Variants in DNAJA3 observed in about 807,000 individuals in gnomAD.
DNAJA3 encodes the protein dnaJ homolog subfamily A member 3, mitochondrial.
In DNAJA3, 29 loss-of-function variants were observed where a neutral mutation model predicts 54.9. The observed-to-expected ratio is 0.53, with a 90% CI of 0.39 to 0.72. The LOEUF (loss-of-function observed/expected upper bound fraction) is 0.72, where lower values mean the gene tolerates loss of function less well. Ranked by LOEUF, DNAJA3 falls within the 30% of genes least tolerant of loss-of-function variation. The probability of loss-of-function intolerance (pLI) is 0.00; values close to 1 mark genes in which losing one functional copy is unlikely to be tolerated. For missense variants in DNAJA3, 708 were observed against 639.4 expected, an observed-to-expected ratio of 1.11 and a Z score of -1.16; for synonymous variants, 302 against 251.4, an observed-to-expected ratio of 1.20 and a Z score of -1.90.
intron 10 of DNAJA3, among the ~76,000 whole-genome samples, chr16:4,454,295 T>C (rs2057010544): frequency 1.3e-5 from 2 of 152,208 alleles, no homozygotes; most frequent in South Asian, 2.1e-4. Context: ...TACCTTCTTA[T>C]AGCCAACAGC....
At chr16:4,446,456 C>G (rs928428476) in intron 7 of DNAJA3, among the ~76,000 whole-genome samples, 2 of 151,628 alleles carry the variant, frequency 1.3e-5, no homozygotes, top group Non-Finnish European at 2.9e-5. Flanking sequence ...GTTGGTCAGT[C>G]TGGTCTCAAA....
chr16:4,426,477 C>A (rs2056624837), intron 1 of DNAJA3, among the ~76,000 whole-genome samples: 1 of 152,216 alleles, frequency 6.6e-6, no homozygotes, highest in Non-Finnish European at 1.5e-5. Context: ...AACAACCCTG[C>A]AAGATGCCTG....
rs554138903 is a variant in DNAJA3 at position 4,455,708 on chromosome 16, C to T, written c.*176C>T. 3.2e-5 allele frequency: 31 copies of T among 972,672 alleles called. No homozygotes were observed. The highest frequency in any genetic ancestry group is 2.6e-4 in the Middle Eastern group (1 of 3,908). 60.3% of individuals were successfully genotyped at this position (972,672 alleles called of 1,614,324 possible). ...AATCATGGGACAACACCTCTCTCCA[C>T]GGAAAGGTCACAGTGGACAGCCCGG... On this transcript the variant is annotated 3_prime_UTR_variant, in exon 12 of 12. Transcript: ENST00000262375.
At chr16:4,432,999 G>A (rs1443974689) in intron 1 of DNAJA3, among the ~76,000 whole-genome samples, 4 of 151,860 alleles carry the variant, frequency 2.6e-5, no homozygotes, top group African/African-American at 4.8e-5. Context: ...AAAATTAGCC[G>A]AGTGTGGTGG....
At chr16:4,452,104 ACT>A (rs1232929341) in intron 10 of DNAJA3, among the ~76,000 whole-genome samples, 1 of 151,250 alleles carries the variant, frequency 6.6e-6, no homozygotes, top group Non-Finnish European at 1.5e-5. Flanking sequence ...CTGCCACAAA[ACT>A]CTGTAGCCCA....
At position 4,443,143 on chromosome 16, in the gene DNAJA3, G is replaced by A. The variant is rs1470834647; in HGVS notation, c.910G>A (p.Val304Met). The change falls in exon 6 of 12, where the codon GTG becomes ATG. Residue 304 changes from valine to methionine, a missense_variant. Coordinates refer to ENST00000262375, the MANE Select transcript of DNAJA3 (RefSeq NM_005147.6). Reference protein sequence around the residue: ...GAGQAKQKKRVMIPVPAGVED... With the variant: ...GAGQAKQKKRMMIPVPAGVED... ...AGGACAAGCCAAGCAGAAAAAGCGA[G>A]TGATGATCCCTGTGCCTGCAGGTGG... is the stretch of plus-strand genomic sequence containing the variant. 6 of 1,614,070 alleles carry A rather than the reference G, an allele frequency of 3.7e-6. No homozygotes were observed. Among genetic ancestry groups the A allele is most frequent in the Admixed American group, 1.7e-5 (1 of 59,990 alleles).
intron 2 of DNAJA3, among the ~76,000 whole-genome samples, chr16:4,435,659 A>G (rs1257440059): frequency 6.6e-6 from 1 of 152,192 alleles, no homozygotes; most frequent in Non-Finnish European, 1.5e-5. Flanking sequence ...AGTTTGTGTC[A>G]ATACTTCATC....
intron 1 of DNAJA3, 131 bp downstream of exon 1, chr16:4,426,223 G>A: frequency 2.8e-6 from 3 of 1,054,258 alleles, no homozygotes; most frequent in Middle Eastern, 2.4e-4. Context: ...AATTGCCGGA[G>A]ACACAGACAG....
In DNAJA3 at chr16:4,456,619, C is replaced by T. The variant is rs1472023779; in HGVS notation, c.*1087C>T. 6.6e-6 allele frequency: 1 copy of T among 152,652 alleles called. No individual in the cohort carries two copies. Among genetic ancestry groups the T allele is most frequent in the African/African-American group, 2.4e-5 (1 of 41,448 alleles). The allele number at this position is 152,652 out of a possible 1,614,324, so 9.5% of individuals were successfully genotyped here. On this transcript the variant is annotated 3_prime_UTR_variant, in exon 12 of 12. Coordinates refer to ENST00000262375, the MANE Select transcript of DNAJA3 (RefSeq NM_005147.6). ...TCAGGATCTTCGGGCTGTCGTTAGA[C>T]AGGTTAATGAAGAACACTTCTCAAC... is the stretch of plus-strand genomic sequence containing the variant.
At chr16:4,454,982 T>C in intron 11 of DNAJA3, 55 bp downstream of exon 11, 1 of 1,248,306 alleles carries the variant, frequency 8.0e-7, no homozygotes, top group Non-Finnish European at 1.2e-6. Context: ...GAACTAATCC[T>C]GGTTTTCTCC....
Position 4,454,787 on chromosome 16 carries a change from GTTCT to G in DNAJA3, c.1340-19_1340-16del. The G allele has an allele frequency of 6.3e-7, 1 of 1,580,704 alleles. No individual in the cohort carries two copies. On this transcript the variant is annotated intron_variant, in intron 10 of 11. Coordinates refer to ENST00000262375, the MANE Select transcript of DNAJA3 (RefSeq NM_005147.6). ...GTGGAAGTGCAGGCCCATGACGCCAGTTCTTTCTGCTGTTTGTGCCCAGGTGGCA... is the reference window on the plus strand; with the variant it reads ...GTGGAAGTGCAGGCCCATGACGCCAGTTCTGCTGTTTGTGCCCAGGTGGCA...
intron 1 of DNAJA3, chr16:4,430,746 A>G (rs2056687934): frequency 6.6e-6 from 1 of 151,878 alleles, no homozygotes; most frequent in Admixed American, 6.6e-5. Context: ...CCTATGGATA[A>G]TGTCAAAAGT....
intron 2 of DNAJA3, among the ~76,000 whole-genome samples, 166 bp from the exon 3 acceptor site, chr16:4,437,236 G>A (rs1325470588): frequency 6.6e-6 from 1 of 152,180 alleles, no homozygotes; most frequent in African/African-American, 2.4e-5. Flanking sequence ...TTCCCAAAGT[G>A]TTGGGATTAC....
intron 6 of DNAJA3, among the ~76,000 whole-genome samples, chr16:4,443,434 C>A (rs567486334): frequency 1.3e-5 from 2 of 152,144 alleles, no homozygotes; most frequent in Non-Finnish European, 2.9e-5. Context: ...TACTCTGCTT[C>A]TTCCTGGTGA....
chr16:4,437,986 C>G (rs1211247713), intron 3 of DNAJA3, among the ~76,000 whole-genome samples: 2 of 151,344 alleles, frequency 1.3e-5, no homozygotes, highest in African/African-American at 4.9e-5. Context: ...AAAAACAAAA[C>G]AACAACATTC....
chr16:4,447,143 A>G, intron 8 of DNAJA3, 129 bp downstream of exon 8: 1 of 1,145,370 alleles, frequency 8.7e-7, no homozygotes. Flanking sequence ...ACAGGGGAGG[A>G]CATGAGGAAT....
At chr16:4,432,978 A>G (rs1027933295) in intron 1 of DNAJA3, among the ~76,000 whole-genome samples, 2 of 150,990 alleles carry the variant, frequency 1.3e-5, no homozygotes, top group Non-Finnish European at 3.0e-5. Context: ...CGTCTCTACT[A>G]AAAATATGAA....
At chr16:4,431,854 A>G (rs1418423503) in intron 1 of DNAJA3, 2 of 152,042 alleles carry the variant, frequency 1.3e-5, no homozygotes, top group Non-Finnish European at 2.9e-5. Flanking sequence ...CTGGGATTAC[A>G]ATAGGCGTGA....
chr16:4,425,876 G>T lies in DNAJA3; in HGVS notation c.-6G>T. ...GGCGGCGCAGGCGCAGAGTCCCCGG[G>T]CCAAGATGGCTGCGCGGTGCTCCAC... On this transcript the variant is annotated 5_prime_UTR_variant, in exon 1 of 12. Transcript: ENST00000262375. 6.5e-7 allele frequency: 1 copy of T among 1,527,838 alleles called. No homozygotes were observed. Among genetic ancestry groups the T allele is most frequent in the East Asian group, 2.6e-5 (1 of 38,774 alleles). 94.6% of individuals were successfully genotyped at this position (1,527,838 alleles called of 1,614,324 possible). A position where few individuals can be genotyped will look rare whatever the true frequency, so the allele number is the denominator to read the frequency against.
Sources: gnomAD v4.1 joint callset for allele counts (sites outside exome capture counted in the v4.1 genomes callset) on GRCh38, gnomAD v4.1.1 for gene constraint, MANE v1.5 for transcripts, NCBI Gene and HGNC (gene_info 2026-07-23, HGNC 2026-07-21) for gene names.